The following BPIFB1 variants were observed in gnomAD, a reference collection of about 807,000 sequenced individuals.
BPIFB1 encodes BPI fold-containing family B member 1.
BPIFB1 carries 34 observed loss-of-function variants against 55.1 expected under a neutral mutation model. The observed-to-expected ratio is 0.62, with a 90% CI of 0.47 to 0.82. BPIFB1 has a LOEUF of 0.82. Among genes scored for constraint, BPIFB1 ranks in the 40% least tolerant of loss-of-function variants. The pLI is 0.00. For synonymous variants in BPIFB1, 236 were observed against 245.3 expected, an observed-to-expected ratio of 0.96 and a Z score of 0.35; for missense variants, 532 against 593.1, an observed-to-expected ratio of 0.90 and a Z score of 1.07.
At chr20:33,298,976 C>CTTTTTTTT (rs35028429) in intron 7 of BPIFB1, 2 of 244,912 alleles carry the variant, frequency 8.2e-6, no homozygotes, top group African/African-American at 5.7e-5. Context: ...CTTTAATATA[C>CTTTTTTTT]TTTTTTTTTT....
chr20:33,297,395 T>C, intron 6 of BPIFB1, 130 bp from the exon 7 acceptor site: 1 of 947,382 alleles, frequency 1.1e-6, no homozygotes, highest in Non-Finnish European at 1.6e-6. Context: ...CCTCAACCCA[T>C]GGATGGAACC....
intron 6 of BPIFB1, among the ~76,000 whole-genome samples, chr20:33,293,043 T>C (rs1024519551): frequency 5.9e-5 from 9 of 152,142 alleles, no homozygotes; most frequent in Admixed American, 1.3e-4. Context: ...TGCCTCAGCC[T>C]CCCAAGTGGC....
intron 5 of BPIFB1, among the ~76,000 whole-genome samples, chr20:33,291,637 TAGC>T (rs1219770675): frequency 1.3e-5 from 2 of 152,158 alleles, no homozygotes; most frequent in African/African-American, 4.8e-5. Context: ...CTTCCCTTCT[TAGC>T]AGGAGGACAG....
intron 1 of BPIFB1, among the ~76,000 whole-genome samples, chr20:33,284,381 C>A (rs1404665985): frequency 6.6e-6 from 1 of 152,278 alleles, no homozygotes; most frequent in Non-Finnish European, 1.5e-5. Context: ...TCTTTCGGGG[C>A]TTCCAGAGGC....
intron 4 of BPIFB1, 152 bp from the exon 5 acceptor site, chr20:33,290,805 G>C (rs1568647853): frequency 2.5e-6 from 2 of 805,042 alleles, no homozygotes; most frequent in East Asian, 5.4e-5. Flanking sequence ...CTGAGCCTGG[G>C]ACATGCTGGG....
intron 15 of BPIFB1, 157 bp downstream of exon 15, chr20:33,307,144 G>A: frequency 1.5e-6 from 1 of 645,472 alleles, no homozygotes; most frequent in Non-Finnish European, 2.8e-6. Flanking sequence ...CTGCAAGTGA[G>A]AAGGTTGGCT....
At chr20:33,284,472 G>A (rs1342364160) in intron 1 of BPIFB1, among the ~76,000 whole-genome samples, 1 of 152,160 alleles carries the variant, frequency 6.6e-6, no homozygotes, top group Non-Finnish European at 1.5e-5. Context: ...ACAGCAGGGA[G>A]CAGGCAGACC....
At chr20:33,304,053 C>T in intron 12 of BPIFB1, 28 bp downstream of exon 12, 1 of 1,595,406 alleles carries the variant, frequency 6.3e-7, no homozygotes, top group Non-Finnish European at 8.6e-7. Context: ...CATGAAGATT[C>T]TGCTGATGGA....
At chr20:33,284,489 T>A (rs1017560730) in intron 1 of BPIFB1, among the ~76,000 whole-genome samples, 19 of 151,478 alleles carry the variant, frequency 1.3e-4, no homozygotes, top group African/African-American at 4.4e-4. Flanking sequence ...GACCCAGCCC[T>A]CCCTCCCAGA....
chr20:33,305,697 T>C (rs1981001286), intron 13 of BPIFB1, among the ~76,000 whole-genome samples: 1 of 152,084 alleles, frequency 6.6e-6, no homozygotes, highest in Non-Finnish European at 1.5e-5. Context: ...GTTCAGGCAA[T>C]GCAGGGCAAA....
intron 7 of BPIFB1, 100 bp downstream of exon 7, chr20:33,297,688 C>T: frequency 1.4e-5 from 17 of 1,232,726 alleles, no homozygotes; most frequent in Admixed American, 1.7e-5. Context: ...CAGGCCTGAG[C>T]TGCAACTCAG....
At chr20:33,290,535 T>G (rs935407731) in intron 4 of BPIFB1, among the ~76,000 whole-genome samples, 3 of 152,036 alleles carry the variant, frequency 2.0e-5, no homozygotes, top group African/African-American at 7.3e-5. Flanking sequence ...CCCGGGGAAC[T>G]GAATATGCAT....
chr20:33,300,025 C>G (rs1417006563), intron 8 of BPIFB1, 41 bp downstream of exon 8: 1 of 1,545,508 alleles, frequency 6.5e-7, no homozygotes, highest in Non-Finnish European at 8.9e-7. Context: ...GGGGACATTG[C>G]TGCCCTTCTC....
intron 5 of BPIFB1, among the ~76,000 whole-genome samples, chr20:33,291,620 G>GC (rs71338470): frequency 0.022 from 3,331 of 152,174 alleles, 48 homozygotes; most frequent in Non-Finnish European, 0.031. Flanking sequence ...AAAACATGGC[G>GC]CCCCCCCTTC....
intron 6 of BPIFB1, among the ~76,000 whole-genome samples, chr20:33,297,308 T>C (rs1980684956): frequency 6.6e-6 from 1 of 152,244 alleles, no homozygotes; most frequent in Admixed American, 6.5e-5. Context: ...AAGCACACCC[T>C]GGGCACAGGG....
chr20:33,300,067 T>A, intron 8 of BPIFB1, 83 bp downstream of exon 8: 1 of 1,227,716 alleles, frequency 8.1e-7, no homozygotes, highest in Non-Finnish European at 1.2e-6. Flanking sequence ...CATGGGCCTG[T>A]GTTAGGAGAG....
chr20:33,304,743 T>C, intron 12 of BPIFB1, 103 bp from the exon 13 acceptor site: 1 of 1,339,048 alleles, frequency 7.5e-7, no homozygotes, highest in East Asian at 2.8e-5. Flanking sequence ...GAGCCCGCAC[T>C]GTGCCTGGCA....
At chr20:33,305,009 G>C in intron 13 of BPIFB1, 118 bp downstream of exon 13, 1 of 1,170,542 alleles carries the variant, frequency 8.5e-7, no homozygotes, top group Admixed American at 1.9e-5. Context: ...CACCATGGGG[G>C]GCTGGCCGGT....
chr20:33,308,453 C>T (rs938920280), intron 15 of BPIFB1, among the ~76,000 whole-genome samples: 4 of 151,844 alleles, frequency 2.6e-5, no homozygotes, highest in Non-Finnish European at 4.4e-5. Context: ...CACACATATA[C>T]ACACACACAC....
Sources: allele counts gnomAD v4.1 joint callset (sites outside exome capture counted in the v4.1 genomes callset), GRCh38; gene constraint gnomAD v4.1.1; transcripts MANE v1.5; gene names NCBI Gene and HGNC (gene_info 2026-07-23, HGNC 2026-07-21).